The following STAU2 variants were observed in gnomAD, a reference collection of about 807,000 sequenced individuals.
STAU2 encodes staufen double-stranded RNA binding protein 2.
In STAU2, 20 loss-of-function variants were observed where a neutral mutation model predicts 65.9. The observed-to-expected ratio is 0.30, with a 90% CI of 0.21 to 0.44. The LOEUF (loss-of-function observed/expected upper bound fraction) is 0.44, where lower values mean the gene tolerates loss of function less well. Among genes scored for constraint, STAU2 ranks in the 20% least tolerant of loss-of-function variants. STAU2 has a pLI of 1.00. For missense variants in STAU2, 558 were observed against 683.9 expected (o/e 0.82, Z 2.05); for synonymous variants, 232 against 233.9 (o/e 0.99, Z 0.07).
Position 73,574,263 on chromosome 8 carries a change from C to T in STAU2, c.1222+8507G>A, listed in dbSNP as rs181750446. 5.3e-5 allele frequency among the ~76,000 whole-genome samples: 8 copies of T among 152,260 alleles called. No individual in the cohort carries two copies. The East Asian group carries it at 1.5e-3, about 29-fold the overall frequency. On this transcript the variant is annotated intron_variant, in intron 12 of 14. Transcript: ENST00000524300. ...TTAAAAAGTCAGGAAACAACAGGTG[C>T]TGGAGAGGATGTGGAGAAACAGGAA...
intron 6 of STAU2, among the ~76,000 whole-genome samples, chr8:73,649,869 T>TTATTTTTATATATATATA (rs71269927): frequency 2.8e-5 from 2 of 71,656 alleles, no homozygotes; most frequent in Non-Finnish European, 5.3e-5. Flanking sequence ...CTATATAATT[T>TTATTTTTATATATATATA]TATATATATA....
chr8:73,492,540 C>T (rs1821200830), intron 13 of STAU2, among the ~76,000 whole-genome samples: 1 of 151,838 alleles, frequency 6.6e-6, no homozygotes, highest in African/African-American at 2.4e-5. Flanking sequence ...GGAAGAAAAG[C>T]AAATGCCAAT....
upstream of STAU2, chr8:73,747,281 C>T: frequency 2.2e-6 from 3 of 1,365,526 alleles, no homozygotes; most frequent in Non-Finnish European, 3.0e-6. Flanking sequence ...AAGGGTGGGC[C>T]TGGGGCAGCC....
At chr8:73,661,302 T>C (rs1250173871) in intron 6 of STAU2, among the ~76,000 whole-genome samples, 1 of 152,194 alleles carries the variant, frequency 6.6e-6, no homozygotes, top group East Asian at 1.9e-4. Flanking sequence ...TCAAACACCC[T>C]ATAAGGTAAA....
chr8:73,528,119 CA>C (rs752685944), intron 13 of STAU2, among the ~76,000 whole-genome samples: 1 of 152,130 alleles, frequency 6.6e-6, no homozygotes, highest in African/African-American at 2.4e-5. Flanking sequence ...AGGGCTCAAG[CA>C]TAAGCGTAAG....
chr8:73,517,360 G>A (rs1036767213), intron 13 of STAU2, among the ~76,000 whole-genome samples: 6 of 152,194 alleles, frequency 3.9e-5, no homozygotes, highest in African/African-American at 9.6e-5. Flanking sequence ...AGGAGTTTGA[G>A]GTTACAGTGA....
intron 13 of STAU2, among the ~76,000 whole-genome samples, chr8:73,511,060 G>C (rs1822371288): frequency 6.6e-6 from 1 of 152,248 alleles, no homozygotes; most frequent in Admixed American, 6.5e-5. Context: ...AAGCGAGGCT[G>C]CTCTCTGGGT....
chr8:73,618,498 T>A (rs186434659), intron 6 of STAU2, among the ~76,000 whole-genome samples: 2 of 151,932 alleles, frequency 1.3e-5, no homozygotes, highest in Non-Finnish European at 2.9e-5. Context: ...CTGGCAAAAG[T>A]TTAGGGAGAC....
At chr8:73,553,863 T>C (rs1287297884) in intron 12 of STAU2, among the ~76,000 whole-genome samples, 4 of 152,092 alleles carry the variant, frequency 2.6e-5, no homozygotes, top group Non-Finnish European at 4.4e-5. Context: ...GTGGGAATGT[T>C]TGTAAGGATT....
In STAU2 at chr8:73,421,321, G is replaced by C. The variant is rs541378678; in HGVS notation, c.*51C>G. ...TCCCTGAACACAGACACCCTCATGCGTGCTGACAGGTTTATAAGGATGCGG... is the reference window on the plus strand; with the variant it reads ...TCCCTGAACACAGACACCCTCATGCCTGCTGACAGGTTTATAAGGATGCGG... On this transcript the variant is annotated 3_prime_UTR_variant, in exon 15 of 15. Coordinates refer to ENST00000524300, the MANE Select transcript of STAU2 (RefSeq NM_001164380.2). 25 of 1,468,516 alleles carry C rather than the reference G, an allele frequency of 1.7e-5. No individual in the cohort carries two copies. Among genetic ancestry groups the C allele is most frequent in the African/African-American group, 2.8e-5 (2 of 71,766 alleles). 91.0% of individuals were successfully genotyped at this position (1,468,516 alleles called of 1,614,324 possible).
intron 12 of STAU2, among the ~76,000 whole-genome samples, chr8:73,580,740 T>C (rs1809918328): frequency 6.6e-6 from 1 of 152,192 alleles, no homozygotes; most frequent in African/African-American, 2.4e-5. Context: ...TTGTGAGAAC[T>C]AACCCTTGGG....
intron 3 of STAU2, among the ~76,000 whole-genome samples, chr8:73,730,728 C>CAAAAAAAAAAAAAAAAAAAAATAAA (rs60034849): frequency 1.2e-5 from 1 of 82,698 alleles, no homozygotes; most frequent in Non-Finnish European, 2.6e-5. Context: ...CTACGTCTTT[C>CAAAAAAAAAAAAAAAAAAAAATAAA]AAAAAAAAAA....
chr8:73,432,911 G>C (rs1196413311), intron 13 of STAU2, among the ~76,000 whole-genome samples: 1 of 152,202 alleles, frequency 6.6e-6, no homozygotes, highest in Non-Finnish European at 1.5e-5. Context: ...AGTTGCCTAA[G>C]ATGAAGAACA....
At chr8:73,668,813 A>C (rs1380653059) in intron 6 of STAU2, among the ~76,000 whole-genome samples, 1 of 152,214 alleles carries the variant, frequency 6.6e-6, no homozygotes, top group Non-Finnish European at 1.5e-5. Context: ...TCCACTCATC[A>C]TTAAAAAAGA....
At chr8:73,571,965 G>GT (rs1031896947) in intron 12 of STAU2, among the ~76,000 whole-genome samples, 4 of 152,112 alleles carry the variant, frequency 2.6e-5, no homozygotes, top group African/African-American at 9.7e-5. Flanking sequence ...CCAGGAAGCG[G>GT]TTTTTTGAAA....
intron 12 of STAU2, among the ~76,000 whole-genome samples, chr8:73,561,039 C>T (rs1808188288): frequency 6.6e-6 from 1 of 151,918 alleles, no homozygotes; most frequent in Non-Finnish European, 1.5e-5. Flanking sequence ...TATACTTTTG[C>T]CAGAAATTTT....
At chr8:73,745,996 G>A (rs910573254) in intron 1 of STAU2, among the ~76,000 whole-genome samples, 1 of 151,178 alleles carries the variant, frequency 6.6e-6, no homozygotes, top group Admixed American at 6.6e-5. Flanking sequence ...CTCACACAGC[G>A]GATTCCGTAA....
intron 11 of STAU2, among the ~76,000 whole-genome samples, chr8:73,593,520 T>C (rs1810969893): frequency 6.6e-6 from 1 of 152,216 alleles, no homozygotes; most frequent in African/African-American, 2.4e-5. Flanking sequence ...AGTGTGATGA[T>C]TAACTTTACA....
chr8:73,673,953 T>A (rs1292581572), intron 5 of STAU2, among the ~76,000 whole-genome samples: 2 of 152,008 alleles, frequency 1.3e-5, no homozygotes, highest in Admixed American at 6.5e-5. Flanking sequence ...GCTTCTTTTA[T>A]TTTACTTAAT....
Sources: allele counts gnomAD v4.1 joint callset (sites outside exome capture counted in the v4.1 genomes callset), GRCh38; gene constraint gnomAD v4.1.1; transcripts MANE v1.5; gene names NCBI Gene and HGNC (gene_info 2026-07-23, HGNC 2026-07-21).